ROPN1L: variants seen among roughly 807,000 people sequenced by gnomAD.
ROPN1L encodes the protein ropporin-1-like protein.
A neutral mutation model predicts 22.7 loss-of-function variants in ROPN1L; 23 were observed. The ratio of observed to expected loss-of-function variants is 1.01; its 90% CI spans 0.73 to 1.43. The LOEUF is 1.43. Among genes scored for constraint, ROPN1L ranks in the 40% most tolerant of loss-of-function variants. The pLI, the probability that ROPN1L is intolerant of heterozygous loss-of-function variation, is 0.00. For synonymous variants in ROPN1L, 116 were observed against 117.8 expected, an observed-to-expected ratio of 0.98 and a Z score of 0.10; for missense variants, 271 against 291.5, an observed-to-expected ratio of 0.93 and a Z score of 0.51.
chr5:10,443,952 A>G (rs1421172024), intron 1 of ROPN1L, among the ~76,000 whole-genome samples: 1 of 152,166 alleles, frequency 6.6e-6, no homozygotes, highest in Non-Finnish European at 1.5e-5. Flanking sequence ...TTATCAGTCC[A>G]CAAAATCCCT....
chr5:10,444,915 AT>A (rs1741006656), intron 1 of ROPN1L, among the ~76,000 whole-genome samples: 1 of 151,972 alleles, frequency 6.6e-6, no homozygotes, highest in East Asian at 1.9e-4. Flanking sequence ...AAATAAATAA[AT>A]AAGAGACTTA....
At chr5:10,448,691 A>G (rs1741158845) in intron 2 of ROPN1L, among the ~76,000 whole-genome samples, 1 of 152,268 alleles carries the variant, frequency 6.6e-6, no homozygotes, top group Non-Finnish European at 1.5e-5. Flanking sequence ...TGGGCAAAAC[A>G]TACAAAATTT....
the ROPN1L span, among the ~76,000 whole-genome samples, chr5:10,480,046 C>T: frequency 6.6e-6 from 1 of 152,152 alleles, no homozygotes; most frequent in African/African-American, 2.4e-5. Context: ...GCCCAGCCAA[C>T]ATGTCAACTC....
chr5:10,466,083 T>C (rs1158410514), downstream of ROPN1L, among the ~76,000 whole-genome samples: 3 of 152,308 alleles, frequency 2.0e-5, no homozygotes, highest in Non-Finnish European at 1.5e-5. Flanking sequence ...CAAGATCCTT[T>C]ATTTGCTTTC....
chr5:10,442,328 G>C (rs769643789), intron 1 of ROPN1L, 30 bp downstream of exon 1: 103 of 1,609,654 alleles, frequency 6.4e-5, no homozygotes, highest in Non-Finnish European at 8.7e-5. Context: ...GGAGCTGTCC[G>C]GTCTACATGC....
At position 10,464,900 on chromosome 5, in the gene ROPN1L, A is replaced by C; in HGVS notation, c.646A>C (p.Arg216=). 6.2e-7 allele frequency: 1 copy of C among 1,608,606 alleles called. No individual in the cohort carries two copies. The highest frequency in any genetic ancestry group is 1.3e-5 in the African/African-American group (1 of 74,870). The change falls in exon 5 of 5, where the codon AGG becomes CGG. Residue 216 remains arginine (R), a synonymous_variant. Transcript: ENST00000274134. ...TCTTTCAGATTTCTTCTTTCCAAAG[A>C]GGAAACTTTTAGAAAGCATTGAAAA... ...IGLSDFFFPK[R]KLLESIENSE... is the part of the protein sequence containing the mutation.
intron 3 of ROPN1L, among the ~76,000 whole-genome samples, chr5:10,459,427 C>T (rs1408555102): frequency 6.6e-6 from 1 of 151,140 alleles, no homozygotes; most frequent in Non-Finnish European, 1.5e-5. Flanking sequence ...TCCTTAGAAA[C>T]ACTCTACAGT....
At chr5:10,472,825 A>G (rs1009690611), downstream of ROPN1L, among the ~76,000 whole-genome samples, 2 of 152,200 alleles carry the variant, frequency 1.3e-5, no homozygotes, top group Non-Finnish European at 2.9e-5. Context: ...CATAGCCATT[A>G]TAGATAGGTG....
chr5:10,444,393 C>A (rs1461088037), intron 1 of ROPN1L, among the ~76,000 whole-genome samples: 2 of 152,058 alleles, frequency 1.3e-5, no homozygotes, highest in Non-Finnish European at 1.5e-5. Flanking sequence ...CGGGTTCAAG[C>A]GATTCTCCTG....
downstream of ROPN1L, among the ~76,000 whole-genome samples, chr5:10,474,525 G>C (rs1448788077): frequency 6.6e-6 from 1 of 151,328 alleles, no homozygotes; most frequent in Non-Finnish European, 1.5e-5. Flanking sequence ...CAAAAAACGA[G>C]ACCTCAGCTC....
intron 3 of ROPN1L, among the ~76,000 whole-genome samples, chr5:10,455,733 T>C (rs1003689627): frequency 6.6e-6 from 1 of 152,228 alleles, no homozygotes. Flanking sequence ...TAGAGGATAA[T>C]AGAATTCGAT....
chr5:10,456,626 G>A (rs1334120234), intron 3 of ROPN1L, among the ~76,000 whole-genome samples: 2 of 152,242 alleles, frequency 1.3e-5, no homozygotes, highest in Non-Finnish European at 2.9e-5. Flanking sequence ...TTTGGCTGTT[G>A]TGCAAGTGAC....
At chr5:10,451,882 T>G (rs1322849482) in intron 3 of ROPN1L, among the ~76,000 whole-genome samples, 1 of 152,170 alleles carries the variant, frequency 6.6e-6, no homozygotes, top group Non-Finnish European at 1.5e-5. Context: ...TACTTTTAAT[T>G]ATTGGAGACA....
intron 3 of ROPN1L, among the ~76,000 whole-genome samples, chr5:10,451,851 A>G (rs1167216794): frequency 1.3e-5 from 2 of 152,240 alleles, no homozygotes; most frequent in South Asian, 2.1e-4. Context: ...CAGGGGTATT[A>G]TCAAGATAGA....
At chr5:10,444,484 T>C (rs1740992404) in intron 1 of ROPN1L, among the ~76,000 whole-genome samples, 1 of 149,522 alleles carries the variant, frequency 6.7e-6, no homozygotes. Context: ...AGAGATGGGG[T>C]TTCACCATGT....
At chr5:10,464,802 A>G (rs1357983334) in intron 4 of ROPN1L, 46 bp from the exon 5 acceptor site, 4 of 1,132,484 alleles carry the variant, frequency 3.5e-6, no homozygotes, top group Non-Finnish European at 5.2e-6. Context: ...TACTAAGTAT[A>G]TGATGAGAAA....
At position 10,448,352 on chromosome 5, in the gene ROPN1L, C is replaced by T. The variant is rs1272185709; in HGVS notation, c.224C>T (p.Thr75Ile). 4 of 1,614,174 alleles carry T rather than the reference C, an allele frequency of 2.5e-6. No individual in the cohort carries two copies. Among genetic ancestry groups the T allele is most frequent in the Non-Finnish European group, 3.4e-6 (4 of 1,180,030 alleles). The stretch of plus-strand genomic sequence containing the variant: ...ACCCAGAAAACAGACACAGGCCTGA[C>T]TCAAGGACTCCTGAAAGTTTTGCAC... Reference protein sequence around the residue: ...TATQKTDTGLTQGLLKVLHKQ... With the variant: ...TATQKTDTGLIQGLLKVLHKQ... Residue 75 changes from threonine (T) to isoleucine (I), a missense_variant, in exon 2 of 5, where the codon ACT becomes ATT. Physicochemically the swap from Thr to Ile is moderately conservative, Grantham distance 89 (BLOSUM62 -1). Coordinates refer to ENST00000274134, the MANE Select transcript of ROPN1L (RefSeq NM_031916.5).
chr5:10,453,702 T>G (rs992061956), intron 3 of ROPN1L, among the ~76,000 whole-genome samples: 17 of 152,292 alleles, frequency 1.1e-4, no homozygotes, highest in Middle Eastern at 6.8e-3. Context: ...TCTGTGCTGT[T>G]TACATTTATT....
intron 3 of ROPN1L, among the ~76,000 whole-genome samples, chr5:10,450,873 C>T (rs973834402): frequency 5.3e-5 from 8 of 152,254 alleles, no homozygotes; most frequent in South Asian, 2.1e-4. Context: ...AGCCAAGCAA[C>T]TTAGGAATAA....
Sources: allele counts gnomAD v4.1 joint callset (sites outside exome capture counted in the v4.1 genomes callset), GRCh38; gene constraint gnomAD v4.1.1; transcripts MANE v1.5; gene names NCBI Gene and HGNC (gene_info 2026-07-23, HGNC 2026-07-21).